Variants in NTRK1 observed in about 807,000 individuals in gnomAD.
The protein encoded by NTRK1 is neurotrophic receptor tyrosine kinase 1.
A neutral mutation model predicts 86.8 loss-of-function variants in NTRK1; 62 were observed. The observed-to-expected ratio is 0.71, with a 90% CI of 0.58 to 0.88. NTRK1 has a LOEUF of 0.88. NTRK1 is among the 40% of genes least tolerant of loss of function. NTRK1 has a pLI of 0.00. For synonymous variants in NTRK1, 469 were observed against 456.6 expected, an observed-to-expected ratio of 1.03 and a Z score of -0.35; for missense variants, 967 against 1,078.4, an observed-to-expected ratio of 0.90 and a Z score of 1.45.
At chr1:156,816,648 A>G (rs1477412109) in intron 1 of NTRK1, 2 of 1,596,706 alleles carry the variant, frequency 1.3e-6, no homozygotes, top group Non-Finnish European at 1.7e-6. Flanking sequence ...GCCCCCTCCC[A>G]CCCATATCCT....
At chr1:156,874,714 G>C (rs1647787881) in intron 10 of NTRK1, 88 bp downstream of exon 10, 2 of 1,417,006 alleles carry the variant, frequency 1.4e-6, no homozygotes, top group South Asian at 2.4e-5. Context: ...GTCAGAGCAG[G>C]GAGATCACTA....
chr1:156,848,943 A>G, intron 2 of NTRK1: 1 of 1,589,450 alleles, frequency 6.3e-7, no homozygotes, highest in Non-Finnish European at 8.6e-7. Flanking sequence ...TACACGATGA[A>G]GCTGAGCAGG....
intron 1 of NTRK1, chr1:156,841,743 C>G: frequency 6.2e-7 from 1 of 1,614,174 alleles, no homozygotes; most frequent in Non-Finnish European, 8.5e-7. Context: ...CAGCCCCTTC[C>G]CACCCTTGCG....
chr1:156,844,990 G>T (rs1460227631), intron 2 of NTRK1: 2 of 1,533,524 alleles, frequency 1.3e-6, no homozygotes, highest in Non-Finnish European at 1.8e-6. Context: ...AGGCTCTGGG[G>T]TTAGCGAGAA....
rs4661062 is a variant in NTRK1, at chr1:156,854,881, G to A, written c.51-9473G>A. ...GTTTCTCCTCTGCTTATAACCCCCC[G>A]TGACTTCCATCTCTCTTGATCTTAC... On this transcript the variant is annotated intron_variant, in intron 2 of 16. Coordinates refer to the NTRK1 transcript ENST00000392302. This position sits in a 1 kb window ranked among gnomAD's most constrained non-coding sequence, Gnocchi z 4.2. Among the ~76,000 whole-genome samples the A allele has an allele frequency of 0.052, 7,885 of 152,066 alleles. 226 individuals carry two copies. Among genetic ancestry groups the A allele is most frequent in the East Asian group, 0.085 (439 of 5,168 alleles).
intron 2 of NTRK1, chr1:156,853,917 G>A: frequency 6.2e-7 from 1 of 1,614,150 alleles, no homozygotes; most frequent in Non-Finnish European, 8.5e-7. Context: ...GCTGGCTGCA[G>A]CAGTCCCCAG....
At chr1:156,831,168 G>A (rs964396894) in intron 1 of NTRK1, among the ~76,000 whole-genome samples, 4 of 152,168 alleles carry the variant, frequency 2.6e-5, no homozygotes, top group Non-Finnish European at 5.9e-5. Context: ...GGCCTTGAGA[G>A]CTAAGTAGAA....
chr1:156,857,991 A>G (rs972662284), upstream of NTRK1, among the ~76,000 whole-genome samples: 6 of 152,134 alleles, frequency 3.9e-5, no homozygotes, highest in Non-Finnish European at 7.4e-5. Flanking sequence ...GTGTTGAGGA[A>G]GAGCAGTCTT....
chr1:156,862,747 C>T (rs1021273623), intron 1 of NTRK1, among the ~76,000 whole-genome samples: 7 of 152,164 alleles, frequency 4.6e-5, no homozygotes, highest in Non-Finnish European at 7.4e-5. Context: ...TCCCACACAC[C>T]CTGCCAGCCC....
At chr1:156,845,926 C>T (rs1448139296) in intron 2 of NTRK1, 2 of 1,605,540 alleles carry the variant, frequency 1.2e-6, no homozygotes, top group Non-Finnish European at 1.7e-6. Context: ...CGCCCCGCGG[C>T]CGGCCTGCGC....
upstream of NTRK1, among the ~76,000 whole-genome samples, chr1:156,856,197 A>G (rs141127046): frequency 1.2e-4 from 19 of 152,178 alleles, no homozygotes; most frequent in East Asian, 1.5e-3. Flanking sequence ...TGTTTATTGT[A>G]AGCTCCATAA....
chr1:156,849,104 C>T (rs1655113507), intron 2 of NTRK1: 10 of 1,599,294 alleles, frequency 6.3e-6, no homozygotes, highest in South Asian at 1.1e-5. Flanking sequence ...TGAGCGCCCA[C>T]CCTGACCCCG....
chr1:156,874,044 A>T, intron 8 of NTRK1, 85 bp downstream of exon 8: 1 of 1,388,314 alleles, frequency 7.2e-7, no homozygotes. Flanking sequence ...CTGACCCCAG[A>T]AATTGGAGTG....
rs774413611 is a variant in NTRK1 at position 156,874,750 on chromosome 1, A to AC, written c.1251+127dup. 2.3e-4 allele frequency: 282 copies of AC among 1,239,294 alleles called. 1 individual carries two copies. The Admixed American group carries it at 5.2e-3, about 23-fold the overall frequency. 76.8% of individuals were successfully genotyped at this position (1,239,294 alleles called of 1,614,324 possible). On this transcript the variant is annotated intron_variant, in intron 10 of 16. Transcript: ENST00000524377. ...CCATCTGGCCTGAGCTCTGACGGCC[A>AC]CCCGCACAGCCACTGCAGGGGTCCC...
At chr1:156,849,150 C>G (rs1366348494) in intron 2 of NTRK1, 2 of 1,599,942 alleles carry the variant, frequency 1.3e-6, no homozygotes, top group Non-Finnish European at 1.7e-6. Context: ...CTGAGGAGAA[C>G]TTCTCAGAGT....
chr1:156,857,244 A>C (rs1352827548), upstream of NTRK1, among the ~76,000 whole-genome samples: 1 of 151,348 alleles, frequency 6.6e-6, no homozygotes, highest in Non-Finnish European at 1.5e-5. Flanking sequence ...TACACACACA[A>C]AAAAGAGGGA....
At position 156,844,814 on chromosome 1, in the gene NTRK1, C is replaced by T. The variant is rs539240377; in HGVS notation, c.50+2621C>T. On this transcript the variant is annotated intron_variant, in intron 2 of 16. Transcript: ENST00000392302. ...CTGTTCTTGCTGGAGGCCTCCCAGGCCACCTTTCCTGGAATACCATCAGCC... is the reference window on the plus strand; with the variant it reads ...CTGTTCTTGCTGGAGGCCTCCCAGGTCACCTTTCCTGGAATACCATCAGCC... The T allele has an allele frequency of 1.3e-4, 217 of 1,614,096 alleles. 1 individual carries two copies. In the South Asian group the frequency reaches 2.2e-3, roughly 16 times the overall value.
chr1:156,844,945 T>G, intron 2 of NTRK1: 1 of 1,562,654 alleles, frequency 6.4e-7, no homozygotes, highest in South Asian at 1.2e-5. Context: ...GGGAAAGCTT[T>G]GGGATTATGG....
At chr1:156,862,379 T>C (rs1380691718) in intron 1 of NTRK1, among the ~76,000 whole-genome samples, 1 of 152,140 alleles carries the variant, frequency 6.6e-6, no homozygotes, top group Non-Finnish European at 1.5e-5. Flanking sequence ...AGTCCAGTTC[T>C]CTCATCACCC....
Sources: gnomAD v4.1 joint callset for allele counts (sites outside exome capture counted in the v4.1 genomes callset) on GRCh38, gnomAD v4.1.1 for gene constraint, Gnocchi (gnomAD v3.1) non-coding constraint, MANE v1.5 for transcripts, NCBI Gene and HGNC (gene_info 2026-07-23, HGNC 2026-07-21) for gene names.